Variants in ZNF716 observed in about 807,000 individuals in gnomAD.
ZNF716 encodes zinc finger protein 716.
Under a neutral mutation model 13.4 loss-of-function variants are expected in ZNF716, and 9 were observed. The observed-to-expected ratio is 0.67, with a 90% CI of 0.41 to 1.18. ZNF716 has a LOEUF of 1.18. Ranked by LOEUF, ZNF716 falls within the 50% of genes most tolerant of loss-of-function variation. The pLI is 0.01. For synonymous variants in ZNF716, 186 were observed against 195.2 expected, an observed-to-expected ratio of 0.95 and a Z score of 0.39; for missense variants, 581 against 576.6, an observed-to-expected ratio of 1.01 and a Z score of -0.08.
rs782811013 is a variant in ZNF716 at position 57,469,408 on chromosome 7, G to C, written c.947G>C (p.Arg316Thr). 1.2e-6 allele frequency: 2 copies of C among 1,613,482 alleles called. No homozygotes were observed. Among genetic ancestry groups the C allele is most frequent in the Non-Finnish European group, 1.7e-6 (2 of 1,179,860 alleles). The change falls in exon 4 of 4, where the codon AGA (arginine) becomes ACA (threonine). Residue 316 changes from arginine (R) to threonine (T), a missense_variant. Transcript: ENST00000420713. ...TCTTCAACACTTACTAACCACAAGA[G>C]AATTCATACTGGAGAGAGACCCTAC... The part of the protein sequence containing the change: ...SRSSTLTNHK[R>T]IHTGERPYKC...
At chr7:57,468,165 A>G (rs1554324441) in intron 3 of ZNF716, among the ~76,000 whole-genome samples, 1 of 152,100 alleles carries the variant, frequency 6.6e-6, no homozygotes, top group African/African-American at 2.4e-5. Flanking sequence ...AGACTTCTTC[A>G]TGTTTCCTCT....
At position 57,469,352 on chromosome 7, in the gene ZNF716, A is replaced by G. The variant is rs1789877966; in HGVS notation, c.891A>G (p.Thr297=). The G allele has an allele frequency of 1.4e-5, 22 of 1,613,556 alleles. No homozygotes were observed. The highest frequency in any genetic ancestry group is 1.8e-5 in the Non-Finnish European group (21 of 1,179,780). ...TTCATACTGGAGAGAAACCCTACAC[A>G]TGTGAAGAATGTGGCAAAGCCTTTA... The part of the protein sequence containing the change: ...KRIHTGEKPY[T]CEECGKAFSR... The change falls in exon 4 of 4, where the codon ACA becomes ACG. Residue 297 remains threonine, a synonymous_variant. Coordinates refer to ENST00000420713, the MANE Select transcript of ZNF716 (RefSeq NM_001159279.1).
chr7:57,463,170 T>C lies in ZNF716; in HGVS notation c.262+2T>C, dbSNP rs782199782. 4 of 1,606,772 alleles carry C rather than the reference T, an allele frequency of 2.5e-6. No individual in the cohort carries two copies. The highest frequency in any genetic ancestry group is 3.3e-5 in the Admixed American group (2 of 59,886). ...ATGAGATGGTAGCCAAACACCCAGG[T>C]AGGTGAGAGCGAATGAAGCAGATGA... On this transcript the variant is annotated splice_donor_variant, in intron 3 of 3. Coordinates refer to ENST00000420713, the MANE Select transcript of ZNF716 (RefSeq NM_001159279.1). LOFTEE classifies it high-confidence loss of function.
chr7:57,469,212 A>C lies in ZNF716; in HGVS notation c.751A>C (p.Ser251Arg). ...YRCEECGKAF[S>R]WSASLTKHKR... ...ATGTGAGGAATGTGGCAAAGCTTTT[A>C]GCTGGTCTGCATCCCTTACTAAACA... Residue 251 changes from serine to arginine, a missense_variant, in exon 4 of 4, where the codon AGC becomes CGC. Ser to Arg is a moderately radical substitution (Grantham distance 110, BLOSUM62 -1). Transcript: ENST00000420713. The C allele has an allele frequency of 6.2e-7, 1 of 1,612,744 alleles. No individual in the cohort carries two copies. The highest frequency in any genetic ancestry group is 8.5e-7 in the Non-Finnish European group (1 of 1,179,346).
Position 57,469,474 on chromosome 7 carries a change from C to G in ZNF716, c.1013C>G (p.Thr338Ser), listed in dbSNP as rs782489227. 6.2e-7 allele frequency: 1 copy of G among 1,613,460 alleles called. No homozygotes were observed. Among genetic ancestry groups the G allele is most frequent in the East Asian group, 2.2e-5 (1 of 44,834 alleles). ...GGCAAAGCCTTTAGCTTATCCTCAA[C>G]CCTTAAGAAACATAAGATAGTTCAT... ...ECGKAFSLSSTLKKHKIVHTG... is the reference protein window; with the variant it reads ...ECGKAFSLSSSLKKHKIVHTG... The change falls in exon 4 of 4, where the codon ACC becomes AGC. Residue 338 changes from threonine (T) to serine (S), a missense_variant. Thr to Ser is a moderately conservative substitution (Grantham distance 58). Transcript: ENST00000420713.
intron 3 of ZNF716, among the ~76,000 whole-genome samples, chr7:57,465,729 C>A (rs1789795937): frequency 6.6e-6 from 1 of 152,128 alleles, no homozygotes; most frequent in Admixed American, 6.6e-5. Context: ...TGTCCACATG[C>A]ACACGTATGT....
At chr7:57,467,347 TC>T (rs11316296) in intron 3 of ZNF716, among the ~76,000 whole-genome samples, 58,269 of 151,868 alleles carry the variant, frequency 0.38, 11,374 homozygotes, top group East Asian at 0.51. Context: ...TGTATTTTTT[TC>T]ATCATGTAAT....
At position 57,469,289 on chromosome 7, in the gene ZNF716, A is replaced by G; in HGVS notation, c.828A>G (p.Lys276=). The change falls in exon 4 of 4, where the codon AAA becomes AAG. Residue 276 remains lysine (K), a synonymous_variant. Transcript: ENST00000420713. ...EKPYTCEERG[K]VFSRSTLTNY... is the part of the protein sequence containing the mutation. ...CTTACACATGTGAAGAACGTGGCAA[A>G]GTCTTTAGCCGCTCAACACTTACTA... The G allele has an allele frequency of 6.3e-7, 1 of 1,589,012 alleles. No individual in the cohort carries two copies.
At position 57,472,950 on chromosome 7, in the gene ZNF716, G is replaced by A. The variant is rs1467746561; in HGVS notation, c.*3001G>A. On this transcript the variant is annotated 3_prime_UTR_variant, in exon 4 of 4. Coordinates refer to ENST00000420713, the MANE Select transcript of ZNF716 (RefSeq NM_001159279.1). The stretch of plus-strand genomic sequence containing the variant: ...TAATGATCACAACAGAGTAAATGAG[G>A]CATTCATCACCTTGAGCATGTATTT... 1 of 151,896 alleles carries A rather than the reference G, an allele frequency of 6.6e-6. No homozygotes were observed. Among genetic ancestry groups the A allele is most frequent in the Non-Finnish European group, 1.5e-5 (1 of 68,010 alleles). The allele number at this position is 151,896 out of a possible 1,614,324, so 9.4% of individuals were successfully genotyped here.
intron 3 of ZNF716, 147 bp downstream of exon 3, chr7:57,463,315 A>C (rs1422757310): frequency 1.1e-5 from 12 of 1,048,636 alleles, no homozygotes; most frequent in Non-Finnish European, 1.6e-5. Flanking sequence ...TTATGCTTAC[A>C]TAGGGACACC....
intron 1 of ZNF716, among the ~76,000 whole-genome samples, chr7:57,456,879 C>G (rs1456035968): frequency 6.6e-6 from 1 of 151,546 alleles, no homozygotes; most frequent in Non-Finnish European, 1.5e-5. Context: ...GGCTGTCACA[C>G]TGCACACTGT....
chr7:57,460,394 C>CAAAA (rs71565809), intron 1 of ZNF716, among the ~76,000 whole-genome samples: 87 of 85,364 alleles, frequency 1.0e-3, no homozygotes, highest in African/African-American at 2.8e-3. Flanking sequence ...GACTGTGTCT[C>CAAAA]AAAAAAAAAA....
chr7:57,467,823 T>A (rs775832923), intron 3 of ZNF716, among the ~76,000 whole-genome samples: 10 of 152,036 alleles, frequency 6.6e-5, no homozygotes, highest in Non-Finnish European at 1.5e-4. Context: ...TCTGATATTA[T>A]TTAGGTATCT....
At chr7:57,466,160 A>C (rs567932028) in intron 3 of ZNF716, among the ~76,000 whole-genome samples, 1 of 151,374 alleles carries the variant, frequency 6.6e-6, no homozygotes, top group East Asian at 1.9e-4. Flanking sequence ...CATTGTGCAC[A>C]TGTACCCTAA....
At chr7:57,461,872 A>G (rs1248478164) in intron 1 of ZNF716, among the ~76,000 whole-genome samples, 3 of 152,136 alleles carry the variant, frequency 2.0e-5, no homozygotes, top group African/African-American at 7.2e-5. Flanking sequence ...AAAAATAGAC[A>G]TGTCCGACTG....
Position 57,470,159 on chromosome 7 carries a change from G to T in ZNF716, c.*210G>T, listed in dbSNP as rs1334878628. On this transcript the variant is annotated 3_prime_UTR_variant, in exon 4 of 4. Transcript: ENST00000420713. ...CCCTCAAACCTTAATGAACCCAAGAGAATTTATTTAAAAAAATTTTTTTGA... is the reference window on the plus strand; with the variant it reads ...CCCTCAAACCTTAATGAACCCAAGATAATTTATTTAAAAAAATTTTTTTGA... The T allele has an allele frequency of 1.3e-5, 6 of 475,046 alleles. No homozygotes were observed. In the South Asian group the frequency reaches 1.9e-4, roughly 15 times the overall value. 29.4% of individuals were successfully genotyped at this position (475,046 alleles called of 1,614,324 possible).
chr7:57,464,115 C>CTTTTTTTTTTT lies in ZNF716; in HGVS notation c.262+953_262+954insTTTTTTTTTTT, dbSNP rs782745508. On this transcript the variant is annotated intron_variant, in intron 3 of 3. Transcript: ENST00000420713. ...AGGTAGTTCAATCATTTGTCCATTTCTTTTTTCTTTTTTTTTTTTTTTTGA... is the reference window on the plus strand; with the variant it reads ...AGGTAGTTCAATCATTTGTCCATTTCTTTTTTTTTTTTTTTTTCTTTTTTTTTTTTTTTTGA... 4.0e-3 allele frequency among the ~76,000 whole-genome samples: 438 copies of CTTTTTTTTTTT among 109,992 alleles called. 34 individuals carry two copies. Among genetic ancestry groups the CTTTTTTTTTTT allele is most frequent in the East Asian group, 0.011 (37 of 3,394 alleles). 72.2% of individuals were successfully genotyped at this position (109,992 alleles called of 152,430 possible).
chr7:57,467,739 T>C (rs1789840816), intron 3 of ZNF716, among the ~76,000 whole-genome samples: 2 of 152,236 alleles, frequency 1.3e-5, no homozygotes, highest in Admixed American at 1.3e-4. Flanking sequence ...TCATTAAATG[T>C]TTTCAGCTAT....
At position 57,469,641 on chromosome 7, in the gene ZNF716, A is replaced by G; in HGVS notation, c.1180A>G (p.Thr394Ala). The G allele has an allele frequency of 6.2e-7, 1 of 1,613,452 alleles. No homozygotes were observed. Among genetic ancestry groups the G allele is most frequent in the Non-Finnish European group, 8.5e-7 (1 of 1,179,878 alleles). ...ECGKAFSLPS[T>A]FTYHKRTHTG... The stretch of plus-strand genomic sequence containing the variant: ...TGGCAAAGCCTTTAGCTTACCCTCA[A>G]CCTTCACTTACCACAAGAGAACTCA... Residue 394 changes from threonine to alanine, a missense_variant, in exon 4 of 4, where the codon ACC becomes GCC. Thr to Ala is a moderately conservative substitution (Grantham distance 58). Coordinates refer to ENST00000420713, the MANE Select transcript of ZNF716 (RefSeq NM_001159279.1).
Sources: gnomAD v4.1 joint callset for allele counts (sites outside exome capture counted in the v4.1 genomes callset) on GRCh38, gnomAD v4.1.1 for gene constraint, MANE v1.5 for transcripts, NCBI Gene and HGNC (gene_info 2026-07-23, HGNC 2026-07-21) for gene names.